MYOF: variants seen among roughly 807,000 people sequenced by gnomAD.
MYOF encodes fer-1-like 3, myoferlin.
MYOF carries 244 observed loss-of-function variants against 284.2 expected under a neutral mutation model. The observed-to-expected ratio is 0.86, with a 90% confidence interval of 0.77 to 0.95. The LOEUF (loss-of-function observed/expected upper bound fraction) is 0.95. Ranked by LOEUF, MYOF falls within the 40% of genes least tolerant of loss-of-function variation. The pLI is 0.00. For missense variants in MYOF, 2,496 were observed against 2,560.6 expected, an observed-to-expected ratio of 0.97 and a Z score of 0.54; for synonymous variants, 904 against 919.7, an observed-to-expected ratio of 0.98 and a Z score of 0.31.
At chr10:93,400,325 TCTTC>T (rs796234165) in intron 12 of MYOF, among the ~76,000 whole-genome samples, 37 of 131,350 alleles carry the variant, frequency 2.8e-4, no homozygotes, top group East Asian at 2.0e-3. Context: ...TTCTTCTTCT[TCTTC>T]TTTTTTTTTT....
chr10:93,339,970 G>A (rs1387493967), intron 39 of MYOF, among the ~76,000 whole-genome samples, 183 bp downstream of exon 39: 4 of 152,008 alleles, frequency 2.6e-5, no homozygotes, highest in Admixed American at 2.0e-4. Context: ...TTCCAGCTAC[G>A]CGGGAGGCTG....
intron 1 of MYOF, among the ~76,000 whole-genome samples, chr10:93,469,197 C>T (rs555187235): frequency 1.3e-5 from 2 of 152,124 alleles, no homozygotes; most frequent in South Asian, 2.1e-4. Flanking sequence ...GTCAGGAGTT[C>T]GAGGCCAGCC....
At chr10:93,341,643 A>T (rs1306209855) in intron 38 of MYOF, among the ~76,000 whole-genome samples, 3 of 152,232 alleles carry the variant, frequency 2.0e-5, no homozygotes, top group Non-Finnish European at 2.9e-5. Flanking sequence ...GAATTTATTC[A>T]TGCCTACATG....
chr10:93,339,306 C>T (rs1843766815), intron 39 of MYOF, among the ~76,000 whole-genome samples: 1 of 151,840 alleles, frequency 6.6e-6, no homozygotes, highest in Non-Finnish European at 1.5e-5. Flanking sequence ...CCACCACTCC[C>T]GGCCTTAAAA....
intron 45 of MYOF, 129 bp downstream of exon 45, chr10:93,328,634 A>T: frequency 1.1e-6 from 1 of 884,466 alleles, no homozygotes; most frequent in Non-Finnish European, 1.7e-6. Context: ...GGCTGTTGTT[A>T]GTGTCACGTG....
rs752895736 is a variant in MYOF at position 93,361,533 on chromosome 10, T to C, written c.2893A>G (p.Ser965Gly). ...DANGDKAASP[S>G]ELTCPPGWEW... Reference sequence around the variant, plus strand: ...CAACCTGGAGGACAAGTCAACTCGCTGGGTGATGCTGCTTTATCGCCGTTC... The same window carrying C: ...CAACCTGGAGGACAAGTCAACTCGCCGGGTGATGCTGCTTTATCGCCGTTC... The change falls in exon 28 of 54, where the codon AGC becomes GGC. Residue 965 changes from serine (S) to glycine (G), a missense_variant. Physicochemically the swap from Ser to Gly is moderately conservative, Grantham distance 56 (BLOSUM62 0). Around this residue, in one of 3 missense-constraint regions of MYOF, gnomAD observed 2,436 missense variants for 2,480.7 expected, o/e 0.98. Coordinates refer to ENST00000359263, the MANE Select transcript of MYOF (RefSeq NM_013451.4). 1 of 1,614,208 alleles carries C rather than the reference T, an allele frequency of 6.2e-7. No homozygotes were observed. Among genetic ancestry groups the C allele is most frequent in the Non-Finnish European group, 8.5e-7 (1 of 1,180,026 alleles).
At chr10:93,403,317 G>A (rs751461799) in intron 9 of MYOF, among the ~76,000 whole-genome samples, 1 of 152,090 alleles carries the variant, frequency 6.6e-6, no homozygotes. Context: ...CATTGACTGG[G>A]CACTTCAATG....
intron 1 of MYOF, among the ~76,000 whole-genome samples, chr10:93,477,946 G>GA: frequency 6.6e-6 from 1 of 152,226 alleles, no homozygotes; most frequent in East Asian, 1.9e-4. Flanking sequence ...CAGTAGTTGG[G>GA]ACAACTTATA....
chr10:93,361,486 C>T lies in MYOF; in HGVS notation c.2940G>A (p.Trp980Ter), dbSNP rs201932767. 133 of 1,614,080 alleles carry T rather than the reference C, an allele frequency of 8.2e-5. No individual in the cohort carries two copies. Among genetic ancestry groups the T allele is most frequent in the Admixed American group, 1.5e-4 (9 of 60,000 alleles). Residue 980 changes from tryptophan to a stop codon, truncating the protein, a stop_gained, in exon 28 of 54, where the codon TGG becomes TGA. Transcript: ENST00000359263. LOFTEE classifies it high-confidence loss of function. ...PPGWEWEDDA[W>*]SYDINRAVDE... ...CCACCGCTCGATTTATGTCATAAGACCATGCATCATCTTCCCATTCCCAAC... is the reference window on the plus strand; with the variant it reads ...CCACCGCTCGATTTATGTCATAAGATCATGCATCATCTTCCCATTCCCAAC...
chr10:93,456,962 C>G, intron 1 of MYOF, 25 bp from the exon 2 acceptor site: 1 of 1,557,160 alleles, frequency 6.4e-7, no homozygotes, highest in Non-Finnish European at 8.7e-7. Flanking sequence ...AAGGAAGAGA[C>G]AGCAATCATT....
intron 49 of MYOF, among the ~76,000 whole-genome samples, chr10:93,319,304 C>T (rs144432715): frequency 2.1e-3 from 320 of 152,294 alleles, no homozygotes; most frequent in Admixed American, 3.5e-3. Flanking sequence ...GGGATCCAGA[C>T]GGGCTTAAAG....
intron 3 of MYOF, among the ~76,000 whole-genome samples, chr10:93,444,189 A>G (rs374589943): frequency 7.2e-5 from 11 of 152,206 alleles, no homozygotes; most frequent in Admixed American, 5.2e-4. Flanking sequence ...GACAGCTGCA[A>G]GGTGCTTCTT....
chr10:93,389,626 T>A (rs903625172), intron 17 of MYOF, among the ~76,000 whole-genome samples: 24 of 152,368 alleles, frequency 1.6e-4, no homozygotes, highest in Admixed American at 9.8e-4. Context: ...AAGACATTTT[T>A]AAATTTTATA....
chr10:93,378,871 C>T (rs925857602), intron 21 of MYOF, among the ~76,000 whole-genome samples: 13 of 151,402 alleles, frequency 8.6e-5, no homozygotes, highest in Admixed American at 1.3e-4. Context: ...CATCACCATG[C>T]CCAGGTAATT....
At chr10:93,344,079 A>T in intron 37 of MYOF, 147 bp from the exon 38 acceptor site, 1 of 750,084 alleles carries the variant, frequency 1.3e-6, no homozygotes. Flanking sequence ...ACAACTCCTG[A>T]ATGTAGAAAA....
rs904916191 is a variant in MYOF, at chr10:93,389,214, ATATTAGT to A, written c.1457-67_1457-61del. On this transcript the variant is annotated intron_variant, in intron 17 of 53. Transcript: ENST00000359263. ...TTTAACATTCAATCTATTGAAATAA[ATATTAGT>A]TATTAGTTAGTTAGGTGAGACTATT... The A allele has an allele frequency of 5.9e-6, 9 of 1,535,520 alleles. No individual in the cohort carries two copies. In the African/African-American group the frequency reaches 9.8e-5, roughly 17 times the overall value.
intron 5 of MYOF, among the ~76,000 whole-genome samples, chr10:93,419,982 A>T (rs1380176865): frequency 6.6e-6 from 1 of 152,134 alleles, no homozygotes; most frequent in Non-Finnish European, 1.5e-5. Context: ...AAATTTAAAA[A>T]ATTAGCCAGG....
At chr10:93,398,609 G>C (rs1407023297) in intron 13 of MYOF, among the ~76,000 whole-genome samples, 1 of 152,166 alleles carries the variant, frequency 6.6e-6, no homozygotes, top group Non-Finnish European at 1.5e-5. Context: ...GCCTGCCTAT[G>C]AAGTGGGGTA....
chr10:93,467,314 C>T (rs2057032299), intron 1 of MYOF, among the ~76,000 whole-genome samples: 1 of 121,238 alleles, frequency 8.2e-6, no homozygotes, highest in Admixed American at 9.5e-5. Context: ...TATCCCTCCC[C>T]CCTCCCCCGA....
Sources: gnomAD v4.1 joint callset for allele counts (sites outside exome capture counted in the v4.1 genomes callset) on GRCh38, gnomAD v4.1.1 for gene constraint, gnomAD v4.1.1 regional missense constraint, MANE v1.5 for transcripts, NCBI Gene and HGNC (gene_info 2026-07-23, HGNC 2026-07-21) for gene names.